The following MATN2 variants were observed in gnomAD, a reference collection of about 807,000 sequenced individuals.
MATN2 encodes the protein matrilin 2.
In MATN2, 69 loss-of-function variants were observed where a neutral mutation model predicts 103.2. That is an observed-to-expected ratio of 0.67 (90% CI 0.55 to 0.82). The LOEUF is 0.82. Ranked by LOEUF, MATN2 falls within the 40% of genes least tolerant of loss-of-function variation. The pLI, the probability that MATN2 is intolerant of heterozygous loss-of-function variation, is 0.00. For synonymous variants in MATN2, 429 were observed against 450.2 expected (o/e 0.95, Z 0.60); for missense variants, 1,023 against 1,211.5 (o/e 0.84, Z 2.31).
chr8:97,984,444 A>G (rs1486286252), intron 6 of MATN2, among the ~76,000 whole-genome samples: 2 of 152,226 alleles, frequency 1.3e-5, no homozygotes, highest in Admixed American at 1.3e-4. Flanking sequence ...CTAAATTTTA[A>G]TAGGCATTTG....
At chr8:97,911,437 C>T (rs1161453664) in intron 2 of MATN2, among the ~76,000 whole-genome samples, 1 of 151,796 alleles carries the variant, frequency 6.6e-6, no homozygotes, top group African/African-American at 2.4e-5. Context: ...GTCCGGGTGC[C>T]GTGGCTCACA....
chr8:97,926,410 A>T (rs1809992278), intron 2 of MATN2, among the ~76,000 whole-genome samples: 1 of 152,184 alleles, frequency 6.6e-6, no homozygotes, highest in South Asian at 2.1e-4. Context: ...TTTTCACAGC[A>T]AATGTTTTAG....
At chr8:97,929,826 T>A (rs1332257965) in intron 2 of MATN2, among the ~76,000 whole-genome samples, 2 of 152,212 alleles carry the variant, frequency 1.3e-5, no homozygotes, top group Non-Finnish European at 2.9e-5. Context: ...TGCCAGACTC[T>A]GTTGACTTTT....
chr8:97,964,857 C>T (rs1228225779), intron 5 of MATN2, among the ~76,000 whole-genome samples: 1 of 152,126 alleles, frequency 6.6e-6, no homozygotes, highest in Non-Finnish European at 1.5e-5. Context: ...CCTCAGACTC[C>T]CAAGTTGCTG....
At chr8:97,925,710 G>T (rs1372599661) in intron 2 of MATN2, among the ~76,000 whole-genome samples, 1 of 152,192 alleles carries the variant, frequency 6.6e-6, no homozygotes. Flanking sequence ...TTAAGGAGAG[G>T]CTCAAGATCA....
chr8:97,976,450 G>A (rs961591189), intron 5 of MATN2, among the ~76,000 whole-genome samples: 4 of 152,250 alleles, frequency 2.6e-5, no homozygotes, highest in Non-Finnish European at 4.4e-5. Flanking sequence ...AAGAATAAAC[G>A]TAACACAGGT....
chr8:98,027,912 G>C (rs1813871598), intron 14 of MATN2, 83 bp downstream of exon 14: 3 of 1,415,978 alleles, frequency 2.1e-6, no homozygotes, highest in Non-Finnish European at 2.8e-6. Flanking sequence ...TGGCCATAAG[G>C]GTAAGCTTCT....
rs776101921 is a variant in MATN2 at position 98,027,821 on chromosome 8, A to C, written c.2348A>C (p.Lys783Thr). ...DDVSEWASKAKANGITMYAVG... is the reference protein window; with the variant it reads ...DDVSEWASKATANGITMYAVG... The stretch of plus-strand genomic sequence containing the variant: ...GTCTCCGAGTGGGCCAGTAAAGCCA[A>C]GGCCAATGGTAATATGGGGTGGAGG... The change falls in exon 14 of 19, where the codon AAG becomes ACG. Residue 783 changes from lysine to threonine, a missense_variant. Transcript: ENST00000254898. The C allele has an allele frequency of 2.6e-6, 4 of 1,567,160 alleles. No homozygotes were observed. Among genetic ancestry groups the C allele is most frequent in the Non-Finnish European group, 3.5e-6 (4 of 1,159,270 alleles).
At chr8:97,995,218 G>A (rs190894892) in intron 7 of MATN2, among the ~76,000 whole-genome samples, 1 of 152,272 alleles carries the variant, frequency 6.6e-6, no homozygotes, top group East Asian at 1.9e-4. Flanking sequence ...CTGAGAGACT[G>A]CTAGAATGGA....
intron 6 of MATN2, among the ~76,000 whole-genome samples, chr8:97,989,219 C>G (rs1256674793): frequency 2.0e-5 from 3 of 152,056 alleles, no homozygotes; most frequent in Admixed American, 6.6e-5. Flanking sequence ...CCTGTAATCC[C>G]AGTACTTTGG....
At chr8:98,003,020 A>G (rs1812835779) in intron 7 of MATN2, among the ~76,000 whole-genome samples, 1 of 151,750 alleles carries the variant, frequency 6.6e-6, no homozygotes. Context: ...CACTCCAGCC[A>G]TACTCAGCTC....
chr8:97,981,428 G>A (rs1370433768), intron 6 of MATN2, among the ~76,000 whole-genome samples: 2 of 140,874 alleles, frequency 1.4e-5, no homozygotes, highest in Non-Finnish European at 3.0e-5. Context: ...AAAAAAATGA[G>A]TATTTAACTG....
At chr8:97,917,480 A>T (rs1344572073) in intron 2 of MATN2, among the ~76,000 whole-genome samples, 1 of 152,204 alleles carries the variant, frequency 6.6e-6, no homozygotes, top group Non-Finnish European at 1.5e-5. Flanking sequence ...GGCATCTTGA[A>T]TGGCATCAGC....
intron 8 of MATN2, among the ~76,000 whole-genome samples, chr8:98,004,495 T>C (rs2444891): frequency 0.88 from 133,560 of 152,222 alleles, 58,674 homozygotes; most frequent in Middle Eastern, 0.92. Flanking sequence ...GATTTCCCAT[T>C]TATGACAAAA....
At chr8:98,027,956 A>G in intron 14 of MATN2, 127 bp downstream of exon 14, 2 of 909,670 alleles carry the variant, frequency 2.2e-6, no homozygotes, top group Non-Finnish European at 3.2e-6. Flanking sequence ...GGCAACTGCC[A>G]TTATACATCT....
In MATN2 at chr8:98,027,577, C is replaced by T. The variant is rs1327918486; in HGVS notation, c.2104C>T (p.Gln702Ter). The change falls in exon 14 of 19, where the codon CAG (glutamine) becomes TAG (stop). Residue 702 changes from glutamine to a stop codon, truncating the protein, a stop_gained. Coordinates refer to ENST00000254898, the MANE Select transcript of MATN2 (RefSeq NM_002380.5). LOFTEE classifies it high-confidence loss of function. ...AGTGGGGCTGCTCCAGTATTCCACA[C>T]AGGTCCACACAGAGTTCACTCTGAG... is the stretch of plus-strand genomic sequence containing the variant. ...ARVGLLQYST[Q>*]VHTEFTLRNF... 1 of 1,613,888 alleles carries T rather than the reference C, an allele frequency of 6.2e-7. No individual in the cohort carries two copies. The highest frequency in any genetic ancestry group is 1.1e-5 in the South Asian group (1 of 91,074).
chr8:97,892,627 G>A (rs1204738609), intron 2 of MATN2, among the ~76,000 whole-genome samples: 1 of 152,174 alleles, frequency 6.6e-6, no homozygotes, highest in African/African-American at 2.4e-5. Flanking sequence ...AATTGTGAAT[G>A]TTCTTTGATA....
intron 2 of MATN2, among the ~76,000 whole-genome samples, chr8:97,894,322 C>T (rs1244955942): frequency 5.9e-5 from 7 of 118,352 alleles, no homozygotes; most frequent in South Asian, 2.8e-4. Context: ...TAAGAATTCA[C>T]CTTTTTTTTT....
intron 6 of MATN2, among the ~76,000 whole-genome samples, chr8:97,986,231 C>T (rs933662280): frequency 6.6e-6 from 1 of 152,052 alleles, no homozygotes; most frequent in East Asian, 1.9e-4. Context: ...TTTCTAAAAA[C>T]GTTTTACCGA....
Sources: allele counts gnomAD v4.1 joint callset (sites outside exome capture counted in the v4.1 genomes callset), GRCh38; gene constraint gnomAD v4.1.1; transcripts MANE v1.5; gene names NCBI Gene and HGNC (gene_info 2026-07-23, HGNC 2026-07-21).